The following DACH2 variants were observed in gnomAD, a reference collection of about 807,000 sequenced individuals.
DACH2 encodes dachshund homolog 2.
In DACH2, 17 loss-of-function variants were observed where a neutral mutation model predicts 35.8. The ratio of observed to expected loss-of-function variants is 0.48; its 90% CI spans 0.33 to 0.71. The LOEUF is 0.71. Ranked by LOEUF, DACH2 falls within the 30% of genes least tolerant of loss-of-function variation. The pLI is 0.02. For missense variants in DACH2, 469 were observed against 472.7 expected (o/e 0.99, Z 0.07); for synonymous variants, 195 against 177.3 (o/e 1.10, Z -0.79).
At chrX:86,414,305 G>A (rs1388383694) in intron 2 of DACH2, among the ~76,000 whole-genome samples, 3 of 98,503 alleles carry the variant, frequency 3.0e-5, no homozygotes, top group Non-Finnish European at 6.3e-5. Context: ...GGAACACGGT[G>A]ATTAATTAGC....
At chrX:86,815,577 A>G (rs935522266) in intron 10 of DACH2, among the ~76,000 whole-genome samples, 2 of 106,272 alleles carry the variant, frequency 1.9e-5, no homozygotes, top group African/African-American at 6.8e-5. Context: ...TGCACTTACT[A>G]TATATATATA....
At chrX:86,774,715 G>C (rs896448784) in intron 7 of DACH2, among the ~76,000 whole-genome samples, 1 of 111,887 alleles carries the variant, frequency 8.9e-6, no homozygotes, top group Non-Finnish European at 1.9e-5. Context: ...TAAGTGGGAG[G>C]CATTAGCTGT....
At chrX:86,408,025 C>A (rs911340852) in intron 2 of DACH2, among the ~76,000 whole-genome samples, 1 of 110,519 alleles carries the variant, frequency 9.0e-6, no homozygotes. Context: ...TGCCATTTGA[C>A]TGAATGTACA....
intron 1 of DACH2, among the ~76,000 whole-genome samples, chrX:86,193,974 A>G (rs899502757): frequency 1.0e-4 from 11 of 110,282 alleles, no homozygotes; most frequent in African/African-American, 3.3e-4. Flanking sequence ...GAATTCTGCT[A>G]ATTATTCACG....
intron 7 of DACH2, among the ~76,000 whole-genome samples, chrX:86,742,458 T>A (rs1294832132): frequency 9.0e-6 from 1 of 111,343 alleles, no homozygotes; most frequent in Non-Finnish European, 1.9e-5. Flanking sequence ...ATCAAGCAGC[T>A]TACTGATTTT....
chrX:86,156,540 T>C (rs1291332347), intron 1 of DACH2, among the ~76,000 whole-genome samples: 1 of 111,728 alleles, frequency 9.0e-6, no homozygotes, highest in Non-Finnish European at 1.9e-5. Flanking sequence ...TGTAAAGGTA[T>C]CAAAATCTAA....
chrX:86,333,953 G>T (rs1422277823), intron 1 of DACH2, among the ~76,000 whole-genome samples: 1 of 110,187 alleles, frequency 9.1e-6, no homozygotes, highest in Non-Finnish European at 1.9e-5. Context: ...TCCCCTCCCT[G>T]TGTCCATGTG....
intron 1 of DACH2, among the ~76,000 whole-genome samples, chrX:86,306,001 A>G (rs765838682): frequency 1.8e-5 from 2 of 112,275 alleles, no homozygotes; most frequent in South Asian, 7.4e-4. Context: ...GTTGGTGGGA[A>G]TGTAAATTAG....
At chrX:86,202,439 T>C (rs758424892) in intron 1 of DACH2, among the ~76,000 whole-genome samples, 1 of 111,684 alleles carries the variant, frequency 9.0e-6, no homozygotes, top group East Asian at 2.8e-4. Flanking sequence ...GGATATTTTT[T>C]CAGGCAAAGT....
intron 3 of DACH2, among the ~76,000 whole-genome samples, chrX:86,630,552 C>T (rs1360147233): frequency 1.8e-5 from 2 of 111,026 alleles, no homozygotes; most frequent in Non-Finnish European, 3.8e-5. Context: ...TAAATAGATG[C>T]TCTTTTAACA....
intron 3 of DACH2, among the ~76,000 whole-genome samples, chrX:86,568,233 C>T (rs1048088441): frequency 1.6e-4 from 18 of 110,926 alleles, no homozygotes; most frequent in Non-Finnish European, 2.7e-4. Flanking sequence ...TTATACACTG[C>T]GAAATCACAT....
chrX:86,638,479 AG>A (rs1485737682), intron 3 of DACH2, among the ~76,000 whole-genome samples: 2 of 111,218 alleles, frequency 1.8e-5, no homozygotes, highest in African/African-American at 3.3e-5. Context: ...CCACTGGCAG[AG>A]TGGGAGAAAA....
At chrX:86,743,759 G>A (rs1209900654) in intron 7 of DACH2, among the ~76,000 whole-genome samples, 1 of 110,902 alleles carries the variant, frequency 9.0e-6, no homozygotes, top group Non-Finnish European at 1.9e-5. Flanking sequence ...ACCCTCTGGG[G>A]CTCCAAAATG....
At chrX:86,289,177 C>A (rs1156643065) in intron 1 of DACH2, among the ~76,000 whole-genome samples, 1 of 108,548 alleles carries the variant, frequency 9.2e-6, no homozygotes, top group African/African-American at 3.4e-5. Flanking sequence ...AGAAATGTTG[C>A]TCAGGAGGAA....
chrX:86,541,546 G>T (rs1473128375), intron 3 of DACH2, among the ~76,000 whole-genome samples: 1 of 110,897 alleles, frequency 9.0e-6, no homozygotes, highest in African/African-American at 3.3e-5. Context: ...GATAACCCAG[G>T]TCTCATTGGG....
intron 1 of DACH2, among the ~76,000 whole-genome samples, chrX:86,256,878 G>T (rs1290904962): frequency 9.0e-6 from 1 of 111,278 alleles, no homozygotes; most frequent in Non-Finnish European, 1.9e-5. Context: ...TCTTATAAAA[G>T]TAAAATATAA....
chrX:86,597,163 T>A (rs2039723643), intron 3 of DACH2, among the ~76,000 whole-genome samples: 1 of 112,011 alleles, frequency 8.9e-6, no homozygotes, highest in Non-Finnish European at 1.9e-5. Context: ...TTCCTAGTTC[T>A]GCAAAAAGGC....
chrX:86,630,825 G>T lies in DACH2; in HGVS notation c.641-20211G>T, dbSNP rs1445307170. On this transcript the variant is annotated intron_variant, in intron 3 of 11. Transcript: ENST00000373125. ...CCTGCCTCAGCCTCCAGAGTAGCTT[G>T]GATTACAGACACCTGAAGTGCCTGT... Among the ~76,000 whole-genome samples the T allele has an allele frequency of 3.6e-5, 4 of 110,629 alleles. No individual in the cohort carries two copies. The East Asian group carries it at 1.1e-3, about 32-fold the overall frequency.
intron 5 of DACH2, among the ~76,000 whole-genome samples, chrX:86,700,695 A>AT (rs1481461612): frequency 9.0e-6 from 1 of 110,613 alleles, no homozygotes; most frequent in East Asian, 2.8e-4. Context: ...AATACAAAAA[A>AT]AATCCTCAGA....
Sources: allele counts gnomAD v4.1 joint callset (sites outside exome capture counted in the v4.1 genomes callset), GRCh38; gene constraint gnomAD v4.1.1; transcripts MANE v1.5; gene names NCBI Gene and HGNC (gene_info 2026-07-23, HGNC 2026-07-21).